The following ELMO1 variants were observed in gnomAD, a reference collection of about 807,000 sequenced individuals.
The protein encoded by ELMO1 is engulfment and cell motility protein 1.
Under a neutral mutation model 98.9 loss-of-function variants are expected in ELMO1, and 26 were observed. The ratio of observed to expected loss-of-function variants is 0.26; its 90% CI spans 0.19 to 0.36. The LOEUF (loss-of-function observed/expected upper bound fraction) is 0.36. Among genes scored for constraint, ELMO1 ranks in the 10% least tolerant of loss-of-function variants. ELMO1 has a pLI of 1.00. For missense variants in ELMO1, 627 were observed against 935.2 expected (o/e 0.67, Z 4.30); for synonymous variants, 346 against 346.0 (o/e 1.00, Z 0.00).
chr7:36,858,094 C>T (rs1466748924), intron 21 of ELMO1, among the ~76,000 whole-genome samples: 1 of 152,110 alleles, frequency 6.6e-6, no homozygotes, highest in Non-Finnish European at 1.5e-5. Context: ...CCTCATTGTT[C>T]TTCTTTGAAA....
chr7:37,414,632 C>A (rs779236253), intron 1 of ELMO1, among the ~76,000 whole-genome samples: 3 of 152,208 alleles, frequency 2.0e-5, no homozygotes, highest in Admixed American at 6.5e-5. Context: ...AAAAAGAAAC[C>A]CTAAATGACC....
rs1355327766 is a variant in ELMO1 at position 36,999,536 on chromosome 7, T to TA, written c.1437+13762dup. 2.0e-5 allele frequency among the ~76,000 whole-genome samples: 3 copies of TA among 152,186 alleles called. No homozygotes were observed. The South Asian group carries it at 6.2e-4, about 32-fold the overall frequency. On this transcript the variant is annotated intron_variant, in intron 16 of 21. Transcript: ENST00000310758. ...GGGTCCAGGGCCAATGCTCCTGACT[T>TA]AGACTTTACTACAACTTATTATGGT...
chr7:37,080,623 T>G lies in ELMO1; in HGVS notation c.1300+15996A>C, dbSNP rs984129565. ...TAATTTTTTTTTTTTTTTTTTTTTTTTGTATTTTTAGTAGAGACAGGATTT... is the reference window on the plus strand; with the variant it reads ...TAATTTTTTTTTTTTTTTTTTTTTTGTGTATTTTTAGTAGAGACAGGATTT... On this transcript the variant is annotated intron_variant, in intron 15 of 21. Transcript: ENST00000310758. 6.1e-5 allele frequency among the ~76,000 whole-genome samples: 9 copies of G among 147,178 alleles called. No individual in the cohort carries two copies. The South Asian group carries it at 2.0e-3, about 32-fold the overall frequency.
At chr7:37,374,616 T>C (rs1311985733) in intron 1 of ELMO1, among the ~76,000 whole-genome samples, 1 of 151,974 alleles carries the variant, frequency 6.6e-6, no homozygotes, top group African/African-American at 2.4e-5. Context: ...CCAGGTGTGG[T>C]GGCACGCACC....
At chr7:37,246,652 T>G (rs1795020866) in intron 6 of ELMO1, among the ~76,000 whole-genome samples, 1 of 152,226 alleles carries the variant, frequency 6.6e-6, no homozygotes, top group Non-Finnish European at 1.5e-5. Context: ...CAAAATCTTG[T>G]GTTTCAGTAG....
intron 6 of ELMO1, among the ~76,000 whole-genome samples, chr7:37,255,868 C>G (rs1487096345): frequency 6.7e-6 from 1 of 149,180 alleles, no homozygotes; most frequent in African/African-American, 2.4e-5. Context: ...GGCAGCCTCC[C>G]CCAGGCCCCA....
At position 36,926,350 on chromosome 7, in the gene ELMO1, GGC is replaced by G. The variant is rs1408105211; in HGVS notation, c.1438-31335_1438-31334del. Among the ~76,000 whole-genome samples, 10 of 152,326 alleles carry G rather than the reference GGC, an allele frequency of 6.6e-5. No homozygotes were observed. The South Asian group carries it at 1.9e-3, about 28-fold the overall frequency. On this transcript the variant is annotated intron_variant, in intron 16 of 21. Coordinates refer to ENST00000310758, the MANE Select transcript of ELMO1 (RefSeq NM_014800.11). The stretch of plus-strand genomic sequence containing the variant: ...TAGTTAGTGACAAGGGTAGGACCCA[GGC>G]CTCACTCAACTCCCATCCCTCTGAA...
At chr7:37,352,666 G>A (rs1410318664) in intron 1 of ELMO1, among the ~76,000 whole-genome samples, 1 of 152,232 alleles carries the variant, frequency 6.6e-6, no homozygotes, top group African/African-American at 2.4e-5. Flanking sequence ...AAAACTTTCC[G>A]TTAGTCCCAT....
At chr7:36,918,732 G>C (rs920535667) in intron 16 of ELMO1, among the ~76,000 whole-genome samples, 1 of 152,170 alleles carries the variant, frequency 6.6e-6, no homozygotes, top group Non-Finnish European at 1.5e-5. Context: ...GCTAAATAAA[G>C]CGTCACCAAA....
intron 15 of ELMO1, among the ~76,000 whole-genome samples, chr7:37,079,684 A>G (rs1274401076): frequency 6.6e-6 from 1 of 151,946 alleles, no homozygotes; most frequent in Non-Finnish European, 1.5e-5. Flanking sequence ...TAACCCCATC[A>G]CCTGCAGCAT....
chr7:37,261,013 A>T (rs533505447), intron 5 of ELMO1, among the ~76,000 whole-genome samples: 1 of 152,324 alleles, frequency 6.6e-6, no homozygotes, highest in African/African-American at 2.4e-5. Flanking sequence ...TTTTTCTCCA[A>T]GAAGGATGTT....
At chr7:37,437,306 A>C (rs1370862528) in intron 1 of ELMO1, among the ~76,000 whole-genome samples, 1 of 152,256 alleles carries the variant, frequency 6.6e-6, no homozygotes. Flanking sequence ...GTAAAAAAAA[A>C]TTAATAATAC....
chr7:36,860,734 G>A (rs1802563690), intron 21 of ELMO1, among the ~76,000 whole-genome samples: 1 of 152,164 alleles, frequency 6.6e-6, no homozygotes, highest in Non-Finnish European at 1.5e-5. Flanking sequence ...TGAAGACAAA[G>A]TCTTACCCTT....
chr7:37,032,540 G>A (rs1794937494), intron 15 of ELMO1, among the ~76,000 whole-genome samples: 1 of 152,152 alleles, frequency 6.6e-6, no homozygotes, highest in Non-Finnish European at 1.5e-5. Flanking sequence ...TCTCAGAGCC[G>A]CTGTTGATAA....
At position 37,285,196 on chromosome 7, in the gene ELMO1, C is replaced by T. The variant is rs887180412; in HGVS notation, c.193-13314G>A. 9.9e-5 allele frequency among the ~76,000 whole-genome samples: 15 copies of T among 151,896 alleles called. No homozygotes were observed. In the East Asian group the frequency reaches 1.2e-3, roughly 12 times the overall value. On this transcript the variant is annotated intron_variant, in intron 4 of 21. Transcript: ENST00000310758. ...AGAACTCTGGGGGACGAGCAATGCC[C>T]GCTCTTGGTCTTTAGTTCCTCAACT...
At chr7:37,405,890 G>GCT (rs1803737523) in intron 1 of ELMO1, among the ~76,000 whole-genome samples, 5 of 152,186 alleles carry the variant, frequency 3.3e-5, no homozygotes, top group African/African-American at 1.2e-4. Context: ...CCTCAAGAGA[G>GCT]CTGACCACGA....
chr7:37,278,568 A>G (rs1796975997), intron 4 of ELMO1, among the ~76,000 whole-genome samples: 1 of 152,178 alleles, frequency 6.6e-6, no homozygotes, highest in African/African-American at 2.4e-5. Context: ...GAAGGAACAA[A>G]TTCTACCTGT....
Position 37,314,850 on chromosome 7 carries a change from C to G in ELMO1, c.192G>C (p.Lys64Asn). The G allele has an allele frequency of 6.2e-7, 1 of 1,612,380 alleles. No homozygotes were observed. Among genetic ancestry groups the G allele is most frequent in the Non-Finnish European group, 8.5e-7 (1 of 1,179,302 alleles). ...ADSSNFYITE[K>N]NRNEIKNGTI... Reference sequence around the variant, plus strand: ...ATATTAAATAATGTAGTTGACCTACCTTTTCTGTGATATAGAAGTTTGAAC... The same window carrying G: ...ATATTAAATAATGTAGTTGACCTACGTTTTCTGTGATATAGAAGTTTGAAC... The change falls in exon 4 of 22, where the codon AAG becomes AAC. Residue 64 changes from lysine (K) to asparagine (N), a missense_variant and splice_region_variant. Coordinates refer to ENST00000310758, the MANE Select transcript of ELMO1 (RefSeq NM_014800.11).
chr7:37,121,025 G>C lies in ELMO1; in HGVS notation c.1191+12105C>G, dbSNP rs545437195. On this transcript the variant is annotated intron_variant, in intron 14 of 21. Transcript: ENST00000310758. ...TACCCAGGCAAACAGAGTCTGGAGTGGACCTCCAGCAAACTCCAACAGACC... is the reference window on the plus strand; with the variant it reads ...TACCCAGGCAAACAGAGTCTGGAGTCGACCTCCAGCAAACTCCAACAGACC... Among the ~76,000 whole-genome samples, 26 of 152,310 alleles carry C rather than the reference G, an allele frequency of 1.7e-4. 1 individual carries two copies. The South Asian group carries it at 4.8e-3, about 28-fold the overall frequency.
Sources: allele counts gnomAD v4.1 joint callset (sites outside exome capture counted in the v4.1 genomes callset), GRCh38; gene constraint gnomAD v4.1.1; transcripts MANE v1.5; gene names NCBI Gene and HGNC (gene_info 2026-07-23, HGNC 2026-07-21).